Variants in BACH2 observed in about 807,000 individuals in gnomAD.
BACH2 encodes BACH transcriptional regulator 2.
BACH2 carries 5 observed loss-of-function variants against 61.8 expected under a neutral mutation model. The ratio of observed to expected loss-of-function variants is 0.08; its 90% CI spans 0.04 to 0.17. The LOEUF (loss-of-function observed/expected upper bound fraction) is 0.17, where lower values mean the gene tolerates loss of function less well. Among genes scored for constraint, BACH2 ranks in the 10% least tolerant of loss-of-function variants. BACH2 has a pLI of 1.00. For missense variants in BACH2, 824 were observed against 1,091.1 expected (o/e 0.76, Z 3.45); for synonymous variants, 446 against 440.1 (o/e 1.01, Z -0.17).
At chr6:90,151,226 C>T (rs1361199545) in intron 4 of BACH2, among the ~76,000 whole-genome samples, 1 of 152,176 alleles carries the variant, frequency 6.6e-6, no homozygotes, top group Non-Finnish European at 1.5e-5. Flanking sequence ...TGAATGTTGT[C>T]TTTTCCTCCT....
chr6:90,139,024 G>A (rs551441961), intron 4 of BACH2, among the ~76,000 whole-genome samples: 6 of 152,092 alleles, frequency 3.9e-5, no homozygotes, highest in African/African-American at 1.4e-4. Context: ...TCATCTTCCC[G>A]TACACATGCA....
At position 90,296,755 on chromosome 6, in the gene BACH2, T is replaced by C. The variant is rs1232414710; in HGVS notation, c.-721A>G. The C allele has an allele frequency of 6.0e-6, 1 of 166,190 alleles. No individual in the cohort carries two copies. Among genetic ancestry groups the C allele is most frequent in the Non-Finnish European group, 1.3e-5 (1 of 79,494 alleles). The allele number at this position is 166,190 out of a possible 1,614,324, so 10.3% of individuals were successfully genotyped here. On this transcript the variant is annotated 5_prime_UTR_variant, in exon 1 of 9. Coordinates refer to ENST00000257749, the MANE Select transcript of BACH2 (RefSeq NM_021813.4). ...GGGCGGCGGCCGCTCACGTTAGCGCTGTGCGACCGCAGCCCGGGCGTGCAC... is the reference window on the plus strand; with the variant it reads ...GGGCGGCGGCCGCTCACGTTAGCGCCGTGCGACCGCAGCCCGGGCGTGCAC...
intron 2 of BACH2, among the ~76,000 whole-genome samples, chr6:90,264,903 C>T (rs1004500829): frequency 1.3e-5 from 2 of 152,168 alleles, no homozygotes; most frequent in African/African-American, 4.8e-5. Context: ...TAAACAACTG[C>T]ATGTTAGACC....
In BACH2 at chr6:90,014,440, G is replaced by GTGTATA. The variant is rs1330299169; in HGVS notation, c.-12-5585_-12-5584insTATACA. Among the ~76,000 whole-genome samples, 9 of 48,036 alleles carry GTGTATA rather than the reference G, an allele frequency of 1.9e-4. No individual in the cohort carries two copies. The East Asian group carries it at 2.8e-3, about 15-fold the overall frequency. The allele number at this position is 48,036 out of a possible 152,430, so 31.5% of individuals were successfully genotyped here. On this transcript the variant is annotated intron_variant, in intron 5 of 8. Coordinates refer to ENST00000257749, the MANE Select transcript of BACH2 (RefSeq NM_021813.4). ...TAAAATTGTGTGTGTGTGTGTGTGT[G>GTGTATA]TATATATATATATATATATATATAT... is the stretch of plus-strand genomic sequence containing the variant.
At chr6:90,099,090 C>T (rs144697279) in intron 4 of BACH2, among the ~76,000 whole-genome samples, 4 of 152,214 alleles carry the variant, frequency 2.6e-5, no homozygotes, top group African/African-American at 4.8e-5. Context: ...AACGGCCTCC[C>T]GTTTGCACTT....
intron 4 of BACH2, among the ~76,000 whole-genome samples, chr6:90,100,215 A>G (rs185749899): frequency 6.6e-6 from 1 of 152,328 alleles, no homozygotes; most frequent in Non-Finnish European, 1.5e-5. Flanking sequence ...CATTTTAGCT[A>G]TTATGAATAA....
chr6:89,992,719 T>C (rs9353711), intron 6 of BACH2, among the ~76,000 whole-genome samples: 61,799 of 152,150 alleles, frequency 0.41, 13,547 homozygotes, highest in East Asian at 0.67. Flanking sequence ...AGAGAACTTT[T>C]TTCTTTCTTA....
chr6:90,220,499 G>A (rs1454150174), intron 3 of BACH2, among the ~76,000 whole-genome samples: 2 of 152,204 alleles, frequency 1.3e-5, no homozygotes, highest in East Asian at 1.9e-4. Flanking sequence ...AGGCTAACAA[G>A]GGTGCCAGGA....
chr6:90,004,067 C>T (rs1166586255), intron 6 of BACH2, among the ~76,000 whole-genome samples: 2 of 152,196 alleles, frequency 1.3e-5, no homozygotes, highest in Non-Finnish European at 2.9e-5. Flanking sequence ...TAAGACTGAA[C>T]CTAAACCATC....
At chr6:90,188,338 G>T (rs917609279) in intron 4 of BACH2, among the ~76,000 whole-genome samples, 2 of 152,076 alleles carry the variant, frequency 1.3e-5, no homozygotes, top group East Asian at 3.8e-4. Flanking sequence ...GTTAACTTAT[G>T]GGAATTTTAT....
At chr6:90,101,866 G>C (rs375167272) in intron 4 of BACH2, among the ~76,000 whole-genome samples, 1 of 151,964 alleles carries the variant, frequency 6.6e-6, no homozygotes, top group Non-Finnish European at 1.5e-5. Context: ...TTCAAGTCTT[G>C]CACTTCTTTT....
intron 1 of BACH2, among the ~76,000 whole-genome samples, 183 bp downstream of exon 1, chr6:90,296,297 C>T (rs537098554): frequency 2.6e-5 from 4 of 151,752 alleles, no homozygotes; most frequent in East Asian, 3.9e-4. Context: ...CTTCCCGTTC[C>T]TAGAAAATGC....
chr6:90,079,097 T>G (rs372802616), intron 5 of BACH2, among the ~76,000 whole-genome samples: 1 of 152,200 alleles, frequency 6.6e-6, no homozygotes, highest in East Asian at 1.9e-4. Flanking sequence ...TCCCTGTGAA[T>G]GCTGGCGCCG....
intron 3 of BACH2, among the ~76,000 whole-genome samples, chr6:90,235,041 AG>A (rs1359115407): frequency 6.6e-6 from 1 of 152,222 alleles, no homozygotes; most frequent in East Asian, 1.9e-4. Flanking sequence ...AAGATAGCTC[AG>A]GTATAAGACA....
At chr6:90,146,747 G>C (rs1020444583) in intron 4 of BACH2, among the ~76,000 whole-genome samples, 1 of 152,112 alleles carries the variant, frequency 6.6e-6, no homozygotes, top group South Asian at 2.1e-4. Context: ...TCAGATATTA[G>C]GATTAAGATT....
At chr6:90,097,968 G>C (rs1431859951) in intron 4 of BACH2, among the ~76,000 whole-genome samples, 1 of 152,158 alleles carries the variant, frequency 6.6e-6, no homozygotes, top group African/African-American at 2.4e-5. Flanking sequence ...GGAACTGTGA[G>C]ACACCATGTG....
chr6:90,096,296 C>T (rs1185409944), intron 4 of BACH2, among the ~76,000 whole-genome samples: 2 of 152,178 alleles, frequency 1.3e-5, no homozygotes, highest in African/African-American at 4.8e-5. Context: ...CCTCCCACAA[C>T]CCTTAGCCAT....
intron 4 of BACH2, among the ~76,000 whole-genome samples, chr6:90,135,672 C>T (rs1784247486): frequency 6.6e-6 from 1 of 152,146 alleles, no homozygotes; most frequent in African/African-American, 2.4e-5. Flanking sequence ...TGTGATCATG[C>T]CACTGCACTC....
chr6:90,224,569 T>C (rs534832729), intron 3 of BACH2, among the ~76,000 whole-genome samples: 165 of 152,340 alleles, frequency 1.1e-3, no homozygotes, highest in Non-Finnish European at 1.8e-3. Context: ...GGCAGTCCAA[T>C]TCAATGTGCT....
Sources: allele counts gnomAD v4.1 joint callset (sites outside exome capture counted in the v4.1 genomes callset), GRCh38; gene constraint gnomAD v4.1.1; transcripts MANE v1.5; gene names NCBI Gene and HGNC (gene_info 2026-07-23, HGNC 2026-07-21).